Variants in TXNDC16 observed in about 807,000 individuals in gnomAD.
The protein encoded by TXNDC16 is thioredoxin domain-containing protein 16.
A neutral mutation model predicts 85.6 loss-of-function variants in TXNDC16; 74 were observed. That is an observed-to-expected ratio of 0.86 (90% CI 0.72 to 1.05). The LOEUF (loss-of-function observed/expected upper bound fraction) is 1.05, where lower values mean the gene tolerates loss of function less well. Among genes scored for constraint, TXNDC16 ranks in the 50% least tolerant of loss-of-function variants. TXNDC16 has a pLI of 0.00. For synonymous variants in TXNDC16, 335 were observed against 326.5 expected (o/e 1.03, Z -0.28); for missense variants, 959 against 947.0 (o/e 1.01, Z -0.17).
intron 9 of TXNDC16, among the ~76,000 whole-genome samples, chr14:52,507,143 A>G (rs2036829802): frequency 6.6e-6 from 1 of 152,154 alleles, no homozygotes; most frequent in South Asian, 2.1e-4. Flanking sequence ...TGCAGATGAC[A>G]TGATTGTATA....
chr14:52,478,892 G>T (rs1204617558), intron 14 of TXNDC16, among the ~76,000 whole-genome samples: 1 of 152,110 alleles, frequency 6.6e-6, no homozygotes, highest in Admixed American at 6.5e-5. Flanking sequence ...TATCCCTGAT[G>T]AACATAGATG....
At chr14:52,528,942 C>A (rs1471306768) in intron 6 of TXNDC16, among the ~76,000 whole-genome samples, 8 of 144,716 alleles carry the variant, frequency 5.5e-5, no homozygotes, top group Non-Finnish European at 1.5e-5. Context: ...GTCTATAATA[C>A]CTATTCTATA....
intron 14 of TXNDC16, among the ~76,000 whole-genome samples, chr14:52,481,031 T>C (rs2036139427): frequency 6.7e-6 from 1 of 148,324 alleles, no homozygotes; most frequent in African/African-American, 2.5e-5. Flanking sequence ...CAAAAAGGAA[T>C]GAATTAATGG....
chr14:52,541,800 C>G (rs1469350254), intron 4 of TXNDC16, among the ~76,000 whole-genome samples: 1 of 152,064 alleles, frequency 6.6e-6, no homozygotes, highest in African/African-American at 2.4e-5. Flanking sequence ...TCTATCTAAT[C>G]CATGATGCAT....
At chr14:52,462,668 A>G in intron 16 of TXNDC16, 1 of 274,324 alleles carries the variant, frequency 3.6e-6, no homozygotes, top group South Asian at 3.4e-5. Flanking sequence ...AAAACAGGCA[A>G]TAAAAATACT....
chr14:52,511,686 C>G (rs1301964312), intron 8 of TXNDC16, among the ~76,000 whole-genome samples: 1 of 151,984 alleles, frequency 6.6e-6, no homozygotes, highest in Non-Finnish European at 1.5e-5. Flanking sequence ...AAGCCTATAA[C>G]CTTTCTTCCA....
At chr14:52,500,971 G>A (rs1350230272) in intron 9 of TXNDC16, among the ~76,000 whole-genome samples, 1 of 152,224 alleles carries the variant, frequency 6.6e-6, no homozygotes, top group African/African-American at 2.4e-5. Context: ...AATCCATCAT[G>A]GAGAAAATCA....
chr14:52,447,862 G>T (rs1419287565), intron 18 of TXNDC16, among the ~76,000 whole-genome samples: 1 of 152,040 alleles, frequency 6.6e-6, no homozygotes, highest in Non-Finnish European at 1.5e-5. Context: ...AAAGAATCCA[G>T]CAGAAATTCT....
intron 1 of TXNDC16, among the ~76,000 whole-genome samples, chr14:52,550,446 A>G (rs2038020904): frequency 6.6e-6 from 1 of 152,168 alleles, no homozygotes; most frequent in Non-Finnish European, 1.5e-5. Flanking sequence ...TCCCCTTTAG[A>G]GCCTTTTCAA....
intron 14 of TXNDC16, among the ~76,000 whole-genome samples, chr14:52,473,938 C>T (rs1237418346): frequency 6.6e-6 from 1 of 152,182 alleles, no homozygotes; most frequent in African/African-American, 2.4e-5. Context: ...TAGGCTTCAA[C>T]ATAGACACAA....
chr14:52,536,696 G>C (rs771776791), intron 6 of TXNDC16, 23 bp downstream of exon 6: 6 of 1,564,494 alleles, frequency 3.8e-6, no homozygotes, highest in Middle Eastern at 1.7e-4. Context: ...GTAAACAAAT[G>C]AATGTGTAGC....
chr14:52,509,935 C>T (rs1037128598), intron 9 of TXNDC16, among the ~76,000 whole-genome samples: 12 of 151,014 alleles, frequency 7.9e-5, no homozygotes, highest in African/African-American at 2.7e-4. Context: ...GAGCCGAGAT[C>T]GCGCCACTGC....
At chr14:52,508,521 ATCTAGAAC>A (rs1459716742) in intron 9 of TXNDC16, among the ~76,000 whole-genome samples, 3 of 152,174 alleles carry the variant, frequency 2.0e-5, no homozygotes, top group Non-Finnish European at 4.4e-5. Flanking sequence ...TTCCTCAGGG[ATCTAGAAC>A]TAGAAATACC....
In TXNDC16 at chr14:52,432,227, G is replaced by A; in HGVS notation, c.*77C>T. 7.5e-7 allele frequency: 1 copy of A among 1,331,532 alleles called. No individual in the cohort carries two copies. Among genetic ancestry groups the A allele is most frequent in the Non-Finnish European group, 1.0e-6 (1 of 985,296 alleles). 82.5% of individuals were successfully genotyped at this position (1,331,532 alleles called of 1,614,324 possible). ...TGGCACTAGTCTGCAAACTTGAAAT[G>A]ATTTAATATTATTCTTTAAGGAAAT... is the stretch of plus-strand genomic sequence containing the variant. On this transcript the variant is annotated 3_prime_UTR_variant, in exon 21 of 21. Coordinates refer to ENST00000281741, the MANE Select transcript of TXNDC16 (RefSeq NM_020784.3).
intron 7 of TXNDC16, among the ~76,000 whole-genome samples, chr14:52,516,582 T>C (rs1011564578): frequency 1.2e-4 from 19 of 152,212 alleles, no homozygotes; most frequent in Non-Finnish European, 2.2e-4. Context: ...CTCTGTGGTA[T>C]TCCACTATGC....
At chr14:52,530,097 TTA>T (rs1159106095) in intron 6 of TXNDC16, among the ~76,000 whole-genome samples, 299 of 88,764 alleles carry the variant, frequency 3.4e-3, no homozygotes, top group Non-Finnish European at 4.8e-3. Context: ...CATTTATATA[TTA>T]TATATATTTA....
chr14:52,516,742 C>T (rs2037091029), intron 7 of TXNDC16, among the ~76,000 whole-genome samples: 2 of 151,954 alleles, frequency 1.3e-5, no homozygotes, highest in Admixed American at 1.3e-4. Context: ...CTTCCCATCC[C>T]CCACATACTC....
intron 6 of TXNDC16, among the ~76,000 whole-genome samples, chr14:52,529,993 C>CAT (rs948418989): frequency 6.6e-5 from 5 of 75,820 alleles, no homozygotes; most frequent in African/African-American, 2.8e-4. Context: ...ATATATAATT[C>CAT]ATATATATAA....
intron 1 of TXNDC16, among the ~76,000 whole-genome samples, chr14:52,548,257 C>T (rs921515636): frequency 1.3e-5 from 2 of 152,088 alleles, no homozygotes; most frequent in African/African-American, 2.4e-5. Context: ...AAGAAGGGGT[C>T]GGGGGCTCCT....
Sources: allele counts gnomAD v4.1 joint callset (sites outside exome capture counted in the v4.1 genomes callset), GRCh38; gene constraint gnomAD v4.1.1; transcripts MANE v1.5; gene names NCBI Gene and HGNC (gene_info 2026-07-23, HGNC 2026-07-21).